EPHA5: variants seen among roughly 807,000 people sequenced by gnomAD.
EPHA5 encodes the protein ephrin type-A receptor 5.
Under a neutral mutation model 105.0 loss-of-function variants are expected in EPHA5, and 60 were observed. The observed-to-expected ratio is 0.57, with a 90% CI of 0.46 to 0.71. The LOEUF (loss-of-function observed/expected upper bound fraction) is 0.71. Ranked by LOEUF, EPHA5 falls within the 30% of genes least tolerant of loss-of-function variation. The pLI, the probability that EPHA5 is intolerant of heterozygous loss-of-function variation, is 0.00. For synonymous variants in EPHA5, 513 were observed against 449.1 expected (o/e 1.14, Z -1.80); for missense variants, 1,218 against 1,274.7 (o/e 0.96, Z 0.68).
chr4:65,630,536 T>C (rs1377635934), intron 2 of EPHA5, among the ~76,000 whole-genome samples: 2 of 152,180 alleles, frequency 1.3e-5, no homozygotes, highest in Non-Finnish European at 2.9e-5. Flanking sequence ...AGGTCATCAG[T>C]GCATTCTCTC....
At chr4:65,527,445 A>G (rs147242853) in intron 3 of EPHA5, among the ~76,000 whole-genome samples, 381 of 152,264 alleles carry the variant, frequency 2.5e-3, no homozygotes, top group South Asian at 4.6e-3. Flanking sequence ...AAATACATGG[A>G]GTACAAAAAG....
At chr4:65,395,598 A>G (rs1355490441) in intron 8 of EPHA5, among the ~76,000 whole-genome samples, 2 of 152,192 alleles carry the variant, frequency 1.3e-5, no homozygotes, top group African/African-American at 2.4e-5. Context: ...GCTGACTTCT[A>G]AAGAATTTTT....
intron 15 of EPHA5, among the ~76,000 whole-genome samples, chr4:65,332,571 C>T (rs544773217): frequency 1.6e-4 from 20 of 123,042 alleles, no homozygotes; most frequent in East Asian, 1.3e-3. Context: ...GGTTCATCAA[C>T]GGTAATAAAT....
intron 3 of EPHA5, among the ~76,000 whole-genome samples, chr4:65,532,190 A>T (rs1735871948): frequency 6.6e-6 from 1 of 152,130 alleles, no homozygotes; most frequent in African/African-American, 2.4e-5. Context: ...TTTGACAACG[A>T]GTACTCTTTA....
chr4:65,355,107 G>A (rs1275710094), intron 11 of EPHA5, among the ~76,000 whole-genome samples: 1 of 151,674 alleles, frequency 6.6e-6, no homozygotes, highest in African/African-American at 2.4e-5. Flanking sequence ...GGGGTCACAG[G>A]TGTAATAAAA....
intron 5 of EPHA5, among the ~76,000 whole-genome samples, chr4:65,439,159 T>C (rs1343040829): frequency 6.6e-6 from 1 of 152,154 alleles, no homozygotes; most frequent in East Asian, 1.9e-4. Flanking sequence ...AGAGTCCATA[T>C]GTCTAACCAT....
chr4:65,370,892 A>C (rs954967561), intron 8 of EPHA5, among the ~76,000 whole-genome samples: 1 of 152,096 alleles, frequency 6.6e-6, no homozygotes, highest in Non-Finnish European at 1.5e-5. Flanking sequence ...AAGAAACAGC[A>C]AGTAAAAGTG....
At chr4:65,507,849 C>T (rs1047145931) in intron 3 of EPHA5, among the ~76,000 whole-genome samples, 5 of 151,886 alleles carry the variant, frequency 3.3e-5, no homozygotes, top group African/African-American at 9.7e-5. Context: ...TCACTTGAAA[C>T]CATGACAAAA....
At chr4:65,565,941 T>C (rs952926599) in intron 3 of EPHA5, among the ~76,000 whole-genome samples, 2 of 151,688 alleles carry the variant, frequency 1.3e-5, no homozygotes, top group Non-Finnish European at 1.5e-5. Context: ...TGTTGATCTT[T>C]TCTTCAAATT....
chr4:65,630,583 C>T (rs192553041), intron 2 of EPHA5, among the ~76,000 whole-genome samples: 358 of 152,278 alleles, frequency 2.4e-3, no homozygotes, highest in Non-Finnish European at 4.1e-3. Flanking sequence ...CCCTCTTCCA[C>T]GTGTACTTTA....
chr4:65,538,897 C>T (rs1736549997), intron 3 of EPHA5, among the ~76,000 whole-genome samples: 1 of 151,640 alleles, frequency 6.6e-6, no homozygotes, highest in African/African-American at 2.4e-5. Flanking sequence ...ACCTTAGATC[C>T]AACACTCATG....
chr4:65,669,121 G>T (rs1459956083), intron 1 of EPHA5, among the ~76,000 whole-genome samples: 1 of 151,878 alleles, frequency 6.6e-6, no homozygotes, highest in Non-Finnish European at 1.5e-5. Context: ...CTCAAATAAC[G>T]GTTTCTAAAA....
chr4:65,445,469 G>C (rs929506530), intron 5 of EPHA5, among the ~76,000 whole-genome samples: 2 of 152,108 alleles, frequency 1.3e-5, no homozygotes, highest in African/African-American at 4.8e-5. Flanking sequence ...GCTTCTTTAT[G>C]AGAAAAGTTA....
intron 3 of EPHA5, chr4:65,574,156 T>C: frequency 2.5e-6 from 4 of 1,607,264 alleles, no homozygotes; most frequent in Non-Finnish European, 2.6e-6. Context: ...GAAGGTGAGA[T>C]CTTCGACACA....
intron 5 of EPHA5, among the ~76,000 whole-genome samples, chr4:65,438,521 G>A (rs970009124): frequency 2.0e-5 from 3 of 151,712 alleles, no homozygotes; most frequent in Non-Finnish European, 4.4e-5. Context: ...TAAAATATGA[G>A]CAGAAGGCTA....
chr4:65,464,138 C>A (rs187649423), intron 5 of EPHA5, among the ~76,000 whole-genome samples: 9 of 151,716 alleles, frequency 5.9e-5, no homozygotes, highest in African/African-American at 1.9e-4. Flanking sequence ...TAAAAAGAAA[C>A]TCCAAGCATG....
chr4:65,462,735 T>G (rs1338026769), intron 5 of EPHA5, among the ~76,000 whole-genome samples: 1 of 152,132 alleles, frequency 6.6e-6, no homozygotes, highest in Non-Finnish European at 1.5e-5. Flanking sequence ...GCAATAGAAT[T>G]TATACATCCC....
chr4:65,414,316 C>T lies in EPHA5; in HGVS notation c.1655G>A (p.Ser552Asn). 1 of 1,613,944 alleles carries T rather than the reference C, an allele frequency of 6.2e-7. No individual in the cohort carries two copies. Among genetic ancestry groups the T allele is most frequent in the Non-Finnish European group, 8.5e-7 (1 of 1,179,900 alleles). ...ARTAAGYGVF[S>N]RRFEFETTPV... ...GGTGGTTTCAAACTCAAATCTTCGACTGAAGACACCATAGCCTGCTGCTGT... is the reference window on the plus strand; with the variant it reads ...GGTGGTTTCAAACTCAAATCTTCGATTGAAGACACCATAGCCTGCTGCTGT... The change falls in exon 7 of 17, where the codon AGT becomes AAT. Residue 552 changes from serine (S) to asparagine (N), a missense_variant. Ser to Asn is a conservative substitution (Grantham distance 46). Around this residue, in one of 3 missense-constraint regions of EPHA5, gnomAD observed 971 missense variants for 1,013.5 expected, o/e 0.96. Coordinates refer to ENST00000613740, the MANE Select transcript of EPHA5 (RefSeq NM_001281766.3).
intron 2 of EPHA5, among the ~76,000 whole-genome samples, chr4:65,613,966 G>T (rs961864811): frequency 6.6e-6 from 1 of 151,816 alleles, no homozygotes; most frequent in Admixed American, 6.6e-5. Flanking sequence ...GATATATTTT[G>T]TTGCACTTTA....
Sources: allele counts gnomAD v4.1 joint callset (sites outside exome capture counted in the v4.1 genomes callset), GRCh38; gene constraint gnomAD v4.1.1; regional missense constraint gnomAD v4.1.1; transcripts MANE v1.5; gene names NCBI Gene and HGNC (gene_info 2026-07-23, HGNC 2026-07-21).